MCC: variants seen among roughly 807,000 people sequenced by gnomAD.
The protein encoded by MCC is MCC regulator of Wnt signaling pathway.
A neutral mutation model predicts 116.2 loss-of-function variants in MCC; 90 were observed. The ratio of observed to expected loss-of-function variants is 0.77; its 90% CI spans 0.65 to 0.92. The LOEUF is 0.92. Ranked by LOEUF, MCC falls within the 40% of genes least tolerant of loss-of-function variation. The pLI is 0.00. For synonymous variants in MCC, 578 were observed against 510.5 expected (o/e 1.13, Z -1.78); for missense variants, 1,516 against 1,312.2 (o/e 1.16, Z -2.40).
chr5:113,299,306 A>T (rs1766794624), intron 3 of MCC, among the ~76,000 whole-genome samples: 1 of 13,372 alleles, frequency 7.5e-5, no homozygotes, highest in Non-Finnish European at 1.4e-4. Flanking sequence ...AAAAAAAAAA[A>T]AAAAAAAAAA....
chr5:113,043,512 T>TGGG lies in MCC; in HGVS notation c.2756+15_2756+17dup. 1 of 1,606,634 alleles carries TGGG rather than the reference T, an allele frequency of 6.2e-7. No homozygotes were observed. On this transcript the variant is annotated intron_variant, in intron 17 of 18. Transcript: ENST00000408903. ...TGCCCAGGATAAACACCAGCTGGGG[T>TGGG]GGGGAAAGGGTGCTTACCGACGAAT...
intron 3 of MCC, among the ~76,000 whole-genome samples, chr5:113,155,592 T>C (rs1051120589): frequency 2.6e-5 from 4 of 152,214 alleles, no homozygotes; most frequent in African/African-American, 4.8e-5. Flanking sequence ...GCAACCAAAA[T>C]TGTCAAGTAT....
At chr5:113,233,282 C>T (rs12522862) in intron 3 of MCC, among the ~76,000 whole-genome samples, 11,438 of 152,152 alleles carry the variant, frequency 0.075, 798 homozygotes, top group Admixed American at 0.24. Flanking sequence ...GCTGAAAATA[C>T]CCATATTAAG....
rs997922936 is a variant in MCC at position 113,487,524 on chromosome 5, GAAGCAAAC to G, written c.170+713_170+720del. ...CCTCTGTAGGAAGTGCGGGGGATCC[GAAGCAAAC>G]ACCCCAAAGTTTGTTTGTGAGTGGA... is the stretch of plus-strand genomic sequence containing the variant. On this transcript the variant is annotated intron_variant, in intron 1 of 18. Coordinates refer to ENST00000408903, the MANE Select transcript of MCC (RefSeq NM_001085377.2). Among the ~76,000 whole-genome samples the G allele has an allele frequency of 5.3e-5, 8 of 152,364 alleles. 2 individuals are homozygous for G. The highest frequency in any genetic ancestry group is 5.2e-4 in the Admixed American group (8 of 15,306).
At chr5:113,030,753 T>C (rs1456685944) in intron 17 of MCC, among the ~76,000 whole-genome samples, 1 of 152,194 alleles carries the variant, frequency 6.6e-6, no homozygotes, top group African/African-American at 2.4e-5. Flanking sequence ...GGGTGAGTTC[T>C]AAAGATGCCA....
intron 3 of MCC, among the ~76,000 whole-genome samples, chr5:113,265,093 G>A (rs1490478696): frequency 2.0e-5 from 3 of 152,152 alleles, no homozygotes; most frequent in African/African-American, 4.8e-5. Context: ...CATATTGTCT[G>A]TGACTTTTAT....
At chr5:113,344,065 C>G (rs1423580101) in intron 2 of MCC, among the ~76,000 whole-genome samples, 8 of 152,188 alleles carry the variant, frequency 5.3e-5, no homozygotes, top group African/African-American at 1.9e-4. Flanking sequence ...ACCAACACCA[C>G]TCCTCCCGTA....
At chr5:113,109,467 G>C (rs1018213133) in intron 6 of MCC, among the ~76,000 whole-genome samples, 2 of 152,138 alleles carry the variant, frequency 1.3e-5, no homozygotes, top group Non-Finnish European at 2.9e-5. Context: ...GCAGAGACAG[G>C]AGATAAAGTT....
intron 4 of MCC, among the ~76,000 whole-genome samples, chr5:113,146,745 A>G (rs1759547954): frequency 6.6e-6 from 1 of 152,184 alleles, no homozygotes; most frequent in Non-Finnish European, 1.5e-5. Flanking sequence ...TCTTCTCTCT[A>G]CTGGACAGAG....
chr5:113,116,817 T>G (rs1757424239), intron 6 of MCC, among the ~76,000 whole-genome samples: 1 of 152,200 alleles, frequency 6.6e-6, no homozygotes, highest in Non-Finnish European at 1.5e-5. Context: ...TTGACCAGGC[T>G]CAGATCCCTA....
In MCC at chr5:113,434,884, C is replaced by A; in HGVS notation, c.171-49672G>T. On this transcript the variant is annotated intron_variant, in intron 1 of 18. Coordinates refer to ENST00000408903, the MANE Select transcript of MCC (RefSeq NM_001085377.2). The surrounding 1 kb of genome is among the most constrained non-coding windows in gnomAD (Gnocchi z 4.2). ...GCCTCTGAGGCTGCCCTCTACAGCC[C>A]CGAGGCGCATGGGCCAGCAGTGTGC... The A allele has an allele frequency of 6.4e-7, 1 of 1,570,064 alleles. No homozygotes were observed. Among genetic ancestry groups the A allele is most frequent in the Non-Finnish European group, 8.6e-7 (1 of 1,156,804 alleles).
At position 113,486,174 on chromosome 5, in the gene MCC, A is replaced by G. The variant is rs111680425; in HGVS notation, c.170+2071T>C. ...ATCCCTAAACTTCTCCTACATGGCA[A>G]TTCTGCCACAGCATAATTTTCAGGG... On this transcript the variant is annotated intron_variant, in intron 1 of 18. Coordinates refer to ENST00000408903, the MANE Select transcript of MCC (RefSeq NM_001085377.2). 9.0e-3 allele frequency among the ~76,000 whole-genome samples: 1,375 copies of G among 152,322 alleles called. 17 individuals carry two copies. The highest frequency in any genetic ancestry group is 0.03 in the African/African-American group (1,258 of 41,574).
At chr5:113,213,957 C>T (rs1763220315) in intron 3 of MCC, among the ~76,000 whole-genome samples, 1 of 152,184 alleles carries the variant, frequency 6.6e-6, no homozygotes, top group Non-Finnish European at 1.5e-5. Flanking sequence ...CCTAAGTCCT[C>T]CTCATTCCTA....
chr5:113,290,538 G>T (rs1766450847), intron 3 of MCC, among the ~76,000 whole-genome samples: 1 of 152,196 alleles, frequency 6.6e-6, no homozygotes, highest in African/African-American at 2.4e-5. Context: ...CAACTACTCT[G>T]CAAGAATAAG....
intron 7 of MCC, among the ~76,000 whole-genome samples, chr5:113,102,485 T>C (rs1013376014): frequency 3.3e-5 from 5 of 152,160 alleles, no homozygotes; most frequent in African/African-American, 9.7e-5. Flanking sequence ...TGAGGTTCAG[T>C]CTCAAGATGT....
rs1353718847 is a variant in MCC at position 113,129,728 on chromosome 5, G to A, written c.885-6902C>T. On this transcript the variant is annotated intron_variant, in intron 5 of 18. Transcript: ENST00000408903. ...ACATTTATGCAGCCAACAAACATTT[G>A]AAAGAAAGCTCATCATCACTGGTCA... Among the ~76,000 whole-genome samples the A allele has an allele frequency of 3.9e-5, 6 of 152,280 alleles. No individual in the cohort carries two copies. In the South Asian group the frequency reaches 8.3e-4, roughly 21 times the overall value.
At chr5:113,145,680 C>T (rs1177540241) in intron 4 of MCC, among the ~76,000 whole-genome samples, 3 of 152,042 alleles carry the variant, frequency 2.0e-5, no homozygotes, top group Admixed American at 6.6e-5. Context: ...ACCAGCAGCC[C>T]TCGCTGCTGC....
At chr5:113,199,692 T>C (rs943375274) in intron 3 of MCC, among the ~76,000 whole-genome samples, 4 of 152,296 alleles carry the variant, frequency 2.6e-5, no homozygotes, top group Admixed American at 6.5e-5. Flanking sequence ...TTGGATTGCA[T>C]CACCACGTGA....
At chr5:113,266,052 G>C (rs537025538) in intron 3 of MCC, among the ~76,000 whole-genome samples, 3 of 152,148 alleles carry the variant, frequency 2.0e-5, no homozygotes, top group African/African-American at 7.2e-5. Context: ...TCACAGTATG[G>C]GGCAGTCTCA....
Sources: allele counts gnomAD v4.1 joint callset (sites outside exome capture counted in the v4.1 genomes callset), GRCh38; gene constraint gnomAD v4.1.1; non-coding constraint Gnocchi (gnomAD v3.1); transcripts MANE v1.5; gene names NCBI Gene and HGNC (gene_info 2026-07-23, HGNC 2026-07-21).